Variants in BACH2 observed in about 807,000 individuals in gnomAD.
BACH2 encodes BACH transcriptional regulator 2.
A neutral mutation model predicts 61.8 loss-of-function variants in BACH2; 5 were observed. The ratio of observed to expected loss-of-function variants is 0.08; its 90% CI spans 0.04 to 0.17. BACH2 has a LOEUF of 0.17. Among genes scored for constraint, BACH2 ranks in the 10% least tolerant of loss-of-function variants. BACH2 has a pLI of 1.00. For synonymous variants in BACH2, 446 were observed against 440.1 expected (o/e 1.01, Z -0.17); for missense variants, 824 against 1,091.1 (o/e 0.76, Z 3.45).
intron 3 of BACH2, among the ~76,000 whole-genome samples, chr6:90,234,736 G>A (rs552093627): frequency 2.0e-5 from 3 of 152,292 alleles, no homozygotes; most frequent in Admixed American, 6.5e-5. Flanking sequence ...TAAAGAAAAT[G>A]ATACATGTTA....
At position 90,262,905 on chromosome 6, in the gene BACH2, C is replaced by A. The variant is rs1054699871; in HGVS notation, c.-353+8944G>T. Among the ~76,000 whole-genome samples the A allele has an allele frequency of 2.6e-4, 39 of 152,134 alleles. 1 individual carries two copies. The highest frequency in any genetic ancestry group is 2.5e-3 in the Admixed American group (38 of 15,262). On this transcript the variant is annotated intron_variant, in intron 2 of 8. Transcript: ENST00000257749. Reference sequence around the variant, plus strand: ...GGAAACAGGAGACGATTAAGCTGATCTAAGGAAAAGCATGGCTTTGATACA... The same window carrying A: ...GGAAACAGGAGACGATTAAGCTGATATAAGGAAAAGCATGGCTTTGATACA...
intron 4 of BACH2, among the ~76,000 whole-genome samples, chr6:90,113,546 A>C (rs1362165892): frequency 6.6e-6 from 1 of 152,200 alleles, no homozygotes; most frequent in Non-Finnish European, 1.5e-5. Flanking sequence ...GAAAATAATG[A>C]GAACAAAGAT....
At chr6:90,049,881 C>G (rs911626722) in intron 5 of BACH2, among the ~76,000 whole-genome samples, 1 of 152,208 alleles carries the variant, frequency 6.6e-6, no homozygotes, top group African/African-American at 2.4e-5. Flanking sequence ...GCACAAGTAA[C>G]TGTTTTCAGA....
rs1417028920 is a variant in BACH2, at chr6:90,271,832, T to C, written c.-353+17A>G. The C allele has an allele frequency of 6.6e-6, 1 of 152,358 alleles. No homozygotes were observed. The highest frequency in any genetic ancestry group is 1.5e-5 in the Non-Finnish European group (1 of 68,030). 9.4% of individuals were successfully genotyped at this position (152,358 alleles called of 1,614,324 possible). A position where few individuals can be genotyped will look rare whatever the true frequency, so the allele number is the denominator to read the frequency against. On this transcript the variant is annotated intron_variant, in intron 2 of 8. Coordinates refer to ENST00000257749, the MANE Select transcript of BACH2 (RefSeq NM_021813.4). ...TAAACTTATGAAACAAAGACCAAGCTGAGGTCCTTGCCTCACCTGCTGTGC... is the reference window on the plus strand; with the variant it reads ...TAAACTTATGAAACAAAGACCAAGCCGAGGTCCTTGCCTCACCTGCTGTGC...
intron 6 of BACH2, among the ~76,000 whole-genome samples, chr6:89,954,832 A>T (rs556331291): frequency 6.6e-6 from 1 of 152,334 alleles, no homozygotes; most frequent in South Asian, 2.1e-4. Flanking sequence ...AATGATCGTC[A>T]TATGGTCATG....
intron 6 of BACH2, among the ~76,000 whole-genome samples, chr6:89,972,632 T>C (rs1347484041): frequency 6.6e-6 from 1 of 152,136 alleles, no homozygotes; most frequent in East Asian, 1.9e-4. Context: ...GGCTCAGAAT[T>C]CTGTAGCCTG....
intron 5 of BACH2, among the ~76,000 whole-genome samples, chr6:90,044,922 G>A (rs1779710773): frequency 6.6e-6 from 1 of 152,164 alleles, no homozygotes; most frequent in Non-Finnish European, 1.5e-5. Context: ...ACAGCCCTGT[G>A]GAGGTAAGCA....
chr6:90,131,422 G>A (rs1784074374), intron 4 of BACH2, among the ~76,000 whole-genome samples: 1 of 152,166 alleles, frequency 6.6e-6, no homozygotes, highest in Non-Finnish European at 1.5e-5. Flanking sequence ...ATTCCAAAAT[G>A]CAGTAGCTTC....
chr6:90,155,102 G>A (rs1208540201), intron 4 of BACH2, among the ~76,000 whole-genome samples: 1 of 152,178 alleles, frequency 6.6e-6, no homozygotes, highest in Non-Finnish European at 1.5e-5. Flanking sequence ...TAAGCTCCAT[G>A]CCTAAGACAC....
At chr6:89,949,356 G>A (rs903180334) in intron 7 of BACH2, among the ~76,000 whole-genome samples, 1 of 152,158 alleles carries the variant, frequency 6.6e-6, no homozygotes, top group African/African-American at 2.4e-5. Context: ...TTGTCAATCA[G>A]CAAGACAGTG....
intron 6 of BACH2, among the ~76,000 whole-genome samples, chr6:89,970,421 A>G (rs1775294111): frequency 1.3e-5 from 2 of 152,234 alleles, no homozygotes; most frequent in South Asian, 4.1e-4. Context: ...AAAGGGGTTT[A>G]TTACTGTACC....
intron 6 of BACH2, among the ~76,000 whole-genome samples, chr6:89,959,107 A>ACACACACACG (rs1774594926): frequency 2.1e-5 from 1 of 47,040 alleles, no homozygotes; most frequent in South Asian, 6.7e-4. Flanking sequence ...GCACACACAC[A>ACACACACACG]CACACACACA....
chr6:89,951,812 C>T lies in BACH2; in HGVS notation c.294G>A (p.Lys98=). ...GPLLQFAYTA[K]LLLSRENIRE... ...GGATGTTTTCTCTGCTGAGTAACAG[C>T]TTGGCAGTGTAGGCAAACTGTAACA... The change falls in exon 7 of 9, where the codon AAG becomes AAA. Residue 98 remains lysine (K), a synonymous_variant. Coordinates refer to ENST00000257749, the MANE Select transcript of BACH2 (RefSeq NM_021813.4). This position sits in a 1 kb window ranked among gnomAD's most constrained non-coding sequence, Gnocchi z 6.4. 1 of 1,614,188 alleles carries T rather than the reference C, an allele frequency of 6.2e-7. No homozygotes were observed. Among genetic ancestry groups the T allele is most frequent in the Non-Finnish European group, 8.5e-7 (1 of 1,180,012 alleles).
At chr6:90,280,953 C>T (rs1771841795) in intron 1 of BACH2, among the ~76,000 whole-genome samples, 1 of 152,212 alleles carries the variant, frequency 6.6e-6, no homozygotes, top group African/African-American at 2.4e-5. Flanking sequence ...TGAAAATCCC[C>T]ACTTCCTTTG....
chr6:90,076,320 C>A (rs1781469697), intron 5 of BACH2, among the ~76,000 whole-genome samples: 1 of 152,080 alleles, frequency 6.6e-6, no homozygotes, highest in South Asian at 2.1e-4. Context: ...CAAGGGCAAG[C>A]TTTTACTGAA....
intron 1 of BACH2, among the ~76,000 whole-genome samples, chr6:90,282,711 G>A (rs1214277357): frequency 1.3e-5 from 2 of 151,914 alleles, no homozygotes; most frequent in Admixed American, 6.6e-5. Context: ...TTAGGACTTT[G>A]AGCAATCATC....
intron 1 of BACH2, among the ~76,000 whole-genome samples, chr6:90,292,413 C>T (rs1772206729): frequency 6.6e-6 from 1 of 152,192 alleles, no homozygotes; most frequent in African/African-American, 2.4e-5. Context: ...CATTACCCAG[C>T]CAAGTTACCC....
chr6:90,138,091 GTCTC>G (rs148368802), intron 4 of BACH2, among the ~76,000 whole-genome samples: 2 of 126,342 alleles, frequency 1.6e-5, no homozygotes, highest in African/African-American at 2.9e-5. Flanking sequence ...CACACACACA[GTCTC>G]TCTCTCTCTC....
At chr6:89,947,729 C>T (rs1211259909) in intron 7 of BACH2, among the ~76,000 whole-genome samples, 1 of 151,648 alleles carries the variant, frequency 6.6e-6, no homozygotes, top group Non-Finnish European at 1.5e-5. Flanking sequence ...CGACGCCCAG[C>T]TAATTTTTTT....
Sources: gnomAD v4.1 joint callset for allele counts (sites outside exome capture counted in the v4.1 genomes callset) on GRCh38, gnomAD v4.1.1 for gene constraint, Gnocchi (gnomAD v3.1) non-coding constraint, MANE v1.5 for transcripts, NCBI Gene and HGNC (gene_info 2026-07-23, HGNC 2026-07-21) for gene names.